The following NUDCD1 variants were observed in gnomAD, a reference collection of about 807,000 sequenced individuals.
The protein encoded by NUDCD1 is nudC domain-containing protein 1.
In NUDCD1, 60 loss-of-function variants were observed where a neutral mutation model predicts 67.8. The ratio of observed to expected loss-of-function variants is 0.88; its 90% CI spans 0.72 to 1.10. The LOEUF is 1.10. NUDCD1 is among the 50% of genes least tolerant of loss of function. The pLI, the probability that NUDCD1 is intolerant of heterozygous loss-of-function variation, is 0.00. For synonymous variants in NUDCD1, 244 were observed against 230.8 expected (o/e 1.06, Z -0.52); for missense variants, 643 against 695.0 (o/e 0.93, Z 0.84).
chr8:109,307,743 A>C (rs190533883), intron 2 of NUDCD1, among the ~76,000 whole-genome samples: 7 of 152,296 alleles, frequency 4.6e-5, no homozygotes, highest in African/African-American at 1.7e-4. Flanking sequence ...CAAGAGACTC[A>C]CGATTCACAT....
At chr8:109,314,889 C>T (rs1306237026) in intron 2 of NUDCD1, among the ~76,000 whole-genome samples, 2 of 151,992 alleles carry the variant, frequency 1.3e-5, no homozygotes, top group African/African-American at 2.4e-5. Context: ...AATCTTTGAA[C>T]TAACGAAGTA....
At chr8:109,284,947 AT>A (rs892963019) in intron 5 of NUDCD1, among the ~76,000 whole-genome samples, 15 of 151,940 alleles carry the variant, frequency 9.9e-5, no homozygotes, top group African/African-American at 3.6e-4. Context: ...AAAAGAGAAG[AT>A]GCAAATAAAC....
At chr8:109,267,433 T>A (rs1814028799) in intron 8 of NUDCD1, among the ~76,000 whole-genome samples, 1 of 152,216 alleles carries the variant, frequency 6.6e-6, no homozygotes, top group Admixed American at 6.5e-5. Flanking sequence ...AGAATGCTTA[T>A]ACACTGCTAA....
intron 2 of NUDCD1, chr8:109,315,446 C>G (rs1815368290): frequency 6.6e-6 from 1 of 152,152 alleles, no homozygotes; most frequent in African/African-American, 2.4e-5. Flanking sequence ...GAAAATTAAA[C>G]ACCCCACCTA....
intron 2 of NUDCD1, among the ~76,000 whole-genome samples, chr8:109,312,492 T>C (rs75115553): frequency 0.028 from 4,191 of 152,264 alleles, 175 homozygotes; most frequent in African/African-American, 0.095. Context: ...GGTGCTGCTA[T>C]GGTTTTATTA....
intron 8 of NUDCD1, among the ~76,000 whole-genome samples, chr8:109,255,591 C>T (rs1281439850): frequency 6.7e-6 from 1 of 148,882 alleles, no homozygotes; most frequent in Non-Finnish European, 1.5e-5. Context: ...TAACATTTTA[C>T]TGACTATTCC....
chr8:109,270,712 C>T (rs1379065768), intron 8 of NUDCD1, among the ~76,000 whole-genome samples: 2 of 151,048 alleles, frequency 1.3e-5, no homozygotes, highest in Non-Finnish European at 2.9e-5. Flanking sequence ...TAAGTCCATA[C>T]TGTTGAATGA....
At chr8:109,314,452 A>C (rs964999621) in intron 2 of NUDCD1, among the ~76,000 whole-genome samples, 22 of 152,298 alleles carry the variant, frequency 1.4e-4, no homozygotes, top group African/African-American at 4.8e-4. Flanking sequence ...AGATTAAATA[A>C]TTTGCCTGGA....
At chr8:109,321,451 T>A (rs982227226) in intron 2 of NUDCD1, among the ~76,000 whole-genome samples, 5 of 152,034 alleles carry the variant, frequency 3.3e-5, no homozygotes, top group African/African-American at 9.7e-5. Context: ...ATTTAAAAAA[T>A]AATAATACAA....
chr8:109,323,670 T>C (rs1390722259), intron 1 of NUDCD1, among the ~76,000 whole-genome samples: 1 of 152,118 alleles, frequency 6.6e-6, no homozygotes, highest in Non-Finnish European at 1.5e-5. Context: ...AGAAAAAGTA[T>C]TTTAACAAGA....
chr8:109,243,737 T>C (rs180814603), intron 9 of NUDCD1, among the ~76,000 whole-genome samples: 10 of 152,298 alleles, frequency 6.6e-5, no homozygotes, highest in Admixed American at 6.5e-4. Flanking sequence ...TAGGATACCA[T>C]CATAAAGTTA....
chr8:109,294,056 A>T (rs1419015142), intron 3 of NUDCD1, among the ~76,000 whole-genome samples: 3 of 149,362 alleles, frequency 2.0e-5, no homozygotes, highest in African/African-American at 7.3e-5. Context: ...ACAGAAACAC[A>T]CAAAATCTTA....
At chr8:109,322,244 CTT>C in intron 2 of NUDCD1, 63 bp downstream of exon 2, 2 of 850,066 alleles carry the variant, frequency 2.4e-6, no homozygotes, top group Non-Finnish European at 3.6e-6. Flanking sequence ...AAAAGGGAAA[CTT>C]AATTATCAAA....
chr8:109,310,711 A>C (rs1815223431), intron 2 of NUDCD1, among the ~76,000 whole-genome samples: 1 of 152,146 alleles, frequency 6.6e-6, no homozygotes, highest in African/African-American at 2.4e-5. Flanking sequence ...AATCTTCACA[A>C]TCTATACATC....
chr8:109,283,941 A>C (rs1433091760), intron 5 of NUDCD1, among the ~76,000 whole-genome samples: 2 of 151,964 alleles, frequency 1.3e-5, no homozygotes, highest in African/African-American at 4.8e-5. Context: ...CCTTAAATGT[A>C]AATGATCAAA....
chr8:109,262,293 T>C (rs1158122189), intron 8 of NUDCD1, among the ~76,000 whole-genome samples: 3 of 152,204 alleles, frequency 2.0e-5, no homozygotes, highest in African/African-American at 7.2e-5. Context: ...ATGGCTGAAG[T>C]GCTCAAAGTT....
intron 1 of NUDCD1, among the ~76,000 whole-genome samples, chr8:109,324,951 G>A (rs1815638002): frequency 6.6e-6 from 1 of 152,132 alleles, no homozygotes; most frequent in East Asian, 1.9e-4. Flanking sequence ...TTAGCTGGGT[G>A]TGACAGTGCG....
chr8:109,242,073 G>A lies in NUDCD1; in HGVS notation c.*936C>T, dbSNP rs1375610796. ...GATAAATTATAATTTGTCCTTGTGT[G>A]GTAAGATTGTTCCATCAATGGCCCC... On this transcript the variant is annotated 3_prime_UTR_variant, in exon 10 of 10. Transcript: ENST00000239690. 2.5e-6 allele frequency: 1 copy of A among 397,954 alleles called. No homozygotes were observed. Among genetic ancestry groups the A allele is most frequent in the Non-Finnish European group, 4.4e-6 (1 of 225,736 alleles). The allele number at this position is 397,954 out of a possible 1,614,324, so 24.7% of individuals were successfully genotyped here. A position where few individuals can be genotyped will look rare whatever the true frequency, so the allele number is the denominator to read the frequency against.
chr8:109,314,861 T>A (rs1815352115), intron 2 of NUDCD1, among the ~76,000 whole-genome samples: 1 of 152,090 alleles, frequency 6.6e-6, no homozygotes, highest in African/African-American at 2.4e-5. Flanking sequence ...ACCCTCTTAG[T>A]TGCAGCTATA....
Sources: gnomAD v4.1 joint callset for allele counts (sites outside exome capture counted in the v4.1 genomes callset) on GRCh38, gnomAD v4.1.1 for gene constraint, MANE v1.5 for transcripts, NCBI Gene and HGNC (gene_info 2026-07-23, HGNC 2026-07-21) for gene names.